JAM2: variants seen among roughly 807,000 people sequenced by gnomAD.
The protein encoded by JAM2 is junctional adhesion molecule 2, also known as junctional adhesion molecule B.
JAM2 carries 17 observed loss-of-function variants against 42.0 expected under a neutral mutation model. The observed-to-expected ratio is 0.40, with a 90% CI of 0.28 to 0.61. The LOEUF (loss-of-function observed/expected upper bound fraction) is 0.61, where lower values mean the gene tolerates loss of function less well. Ranked by LOEUF, JAM2 falls within the 20% of genes least tolerant of loss-of-function variation. JAM2 has a pLI of 0.37. For missense variants in JAM2, 319 were observed against 358.3 expected (o/e 0.89, Z 0.89); for synonymous variants, 118 against 128.6 (o/e 0.92, Z 0.56).
intron 1 of JAM2, among the ~76,000 whole-genome samples, chr21:25,659,114 T>C (rs2033013745): frequency 6.6e-6 from 1 of 152,226 alleles, no homozygotes; most frequent in Non-Finnish European, 1.5e-5. Flanking sequence ...CTGAAAATAT[T>C]ATTTAACTAA....
chr21:25,702,063 A>G, intron 5 of JAM2, 107 bp from the exon 6 acceptor site: 1 of 525,682 alleles, frequency 1.9e-6, no homozygotes, highest in Non-Finnish European at 3.2e-6. Context: ...CCAAATTTTT[A>G]AAAAGGAAAG....
intron 5 of JAM2, among the ~76,000 whole-genome samples, chr21:25,700,414 G>T (rs1170073164): frequency 6.6e-6 from 1 of 152,168 alleles, no homozygotes; most frequent in Non-Finnish European, 1.5e-5. Flanking sequence ...CGGCTGGAGT[G>T]CATTGACGCA....
At chr21:25,708,995 C>T (rs2034328897) in intron 7 of JAM2, among the ~76,000 whole-genome samples, 1 of 152,076 alleles carries the variant, frequency 6.6e-6, no homozygotes, top group South Asian at 2.1e-4. Flanking sequence ...GGCCTATGAA[C>T]AAAAATGGCT....
In JAM2 at chr21:25,639,519, C is replaced by G; in HGVS notation, c.-303C>G. 3.2e-6 allele frequency: 1 copy of G among 308,984 alleles called. No homozygotes were observed. The highest frequency in any genetic ancestry group is 5.9e-6 in the Non-Finnish European group (1 of 169,378). The allele number at this position is 308,984 out of a possible 1,614,324, so 19.1% of individuals were successfully genotyped here. A position where few individuals can be genotyped will look rare whatever the true frequency, so the allele number is the denominator to read the frequency against. ...CCGGGCGCTGCTCTCCTCCTGCTGC[C>G]CCCTCGCTAGGACCCGGCGGACGCC... On this transcript the variant is annotated 5_prime_UTR_variant, in exon 1 of 10. Transcript: ENST00000480456.
intron 1 of JAM2, among the ~76,000 whole-genome samples, chr21:25,683,083 C>A (rs936470860): frequency 3.9e-4 from 59 of 152,242 alleles, no homozygotes; most frequent in African/African-American, 1.2e-3. Context: ...GAATGCCTGT[C>A]CCCTTTGAGG....
At position 25,690,041 on chromosome 21, in the gene JAM2, G is replaced by A. The variant is rs781463216; in HGVS notation, c.241+68G>A. The A allele has an allele frequency of 2.0e-4, 190 of 951,948 alleles. 1 individual carries two copies. The highest frequency in any genetic ancestry group is 1.9e-3 in the Middle Eastern group (9 of 4,748). The allele number at this position is 951,948 out of a possible 1,614,324, so 59.0% of individuals were successfully genotyped here. ...CAAGTACAACCAGGATCCTTTAATT[G>A]GCAAATGAGATCGGACATGACTGAT... On this transcript the variant is annotated intron_variant, in intron 3 of 9. Coordinates refer to ENST00000480456, the MANE Select transcript of JAM2 (RefSeq NM_021219.4).
At position 25,704,433 on chromosome 21, in the gene JAM2, T is replaced by G. The variant is rs150619012; in HGVS notation, c.698-1546T>G. On this transcript the variant is annotated intron_variant, in intron 6 of 9. Coordinates refer to ENST00000480456, the MANE Select transcript of JAM2 (RefSeq NM_021219.4). ...AGAAAATTAATAACACACTTGGCAT[T>G]AGGAAAGAATTTCGAGACCAGAAGT... Among the ~76,000 whole-genome samples, 11 of 152,306 alleles carry G rather than the reference T, an allele frequency of 7.2e-5. No individual in the cohort carries two copies. In the East Asian group the frequency reaches 1.9e-3, roughly 27 times the overall value.
intron 1 of JAM2, among the ~76,000 whole-genome samples, chr21:25,665,521 A>G (rs1432952456): frequency 6.6e-6 from 1 of 152,184 alleles, no homozygotes; most frequent in Admixed American, 6.5e-5. Flanking sequence ...GTATGTACAT[A>G]TATGTATATA....
At chr21:25,657,798 C>T (rs2032979021) in intron 1 of JAM2, among the ~76,000 whole-genome samples, 1 of 151,966 alleles carries the variant, frequency 6.6e-6, no homozygotes, top group Non-Finnish European at 1.5e-5. Flanking sequence ...ATATTTTAGC[C>T]TGTTATAATA....
chr21:25,696,737 T>C (rs2034045207), intron 4 of JAM2, among the ~76,000 whole-genome samples: 2 of 152,160 alleles, frequency 1.3e-5, no homozygotes, highest in South Asian at 4.2e-4. Flanking sequence ...CTTGTGGTTG[T>C]AGGACCGAGA....
chr21:25,674,025 T>C (rs759756780), intron 1 of JAM2, among the ~76,000 whole-genome samples: 12 of 152,228 alleles, frequency 7.9e-5, no homozygotes, highest in South Asian at 2.1e-4. Flanking sequence ...ATGTGCCTTT[T>C]GCCTTCCACC....
chr21:25,665,085 A>G (rs2033184841), intron 1 of JAM2, among the ~76,000 whole-genome samples: 1 of 152,210 alleles, frequency 6.6e-6, no homozygotes, highest in Non-Finnish European at 1.5e-5. Context: ...TTTAACAGGA[A>G]AACTTCCTAG....
At chr21:25,646,586 GAGA>G (rs1255214279) in intron 1 of JAM2, among the ~76,000 whole-genome samples, 9 of 152,024 alleles carry the variant, frequency 5.9e-5, no homozygotes, top group African/African-American at 1.9e-4. Flanking sequence ...GAGAGAGAGA[GAGA>G]AGGAGAGAGA....
At chr21:25,661,610 A>C (rs947614784) in intron 1 of JAM2, among the ~76,000 whole-genome samples, 1 of 151,844 alleles carries the variant, frequency 6.6e-6, no homozygotes, top group African/African-American at 2.4e-5. Context: ...AATTTTACAT[A>C]TATATAAATT....
In JAM2 at chr21:25,659,844, G is replaced by T. The variant is rs539884959; in HGVS notation, c.67+19956G>T. Among the ~76,000 whole-genome samples the T allele has an allele frequency of 2.0e-5, 3 of 152,226 alleles. No homozygotes were observed. The South Asian group carries it at 6.2e-4, about 32-fold the overall frequency. On this transcript the variant is annotated intron_variant, in intron 1 of 9. Coordinates refer to ENST00000480456, the MANE Select transcript of JAM2 (RefSeq NM_021219.4). ...CCAGTTAAATGCATCAAAATTAGTT[G>T]AATTATCCTTAGCTGAAAATTGATT...
intron 1 of JAM2, among the ~76,000 whole-genome samples, chr21:25,670,637 TA>T (rs1233316238): frequency 1.3e-5 from 2 of 152,208 alleles, no homozygotes; most frequent in East Asian, 3.8e-4. Flanking sequence ...TCACTGATCC[TA>T]AAAAAGTGCG....
chr21:25,683,704 T>C (rs2033687934), intron 1 of JAM2, among the ~76,000 whole-genome samples, 179 bp from the exon 2 acceptor site: 1 of 152,166 alleles, frequency 6.6e-6, no homozygotes, highest in African/African-American at 2.4e-5. Flanking sequence ...ATCTAGAAAA[T>C]AAACATGTAT....
rs184812552 is a variant in JAM2, at chr21:25,715,796, T to G, written c.*1124T>G. The stretch of plus-strand genomic sequence containing the variant: ...CCAGCTACTATTACAATGTGAAAAT[T>G]CCAATGATCCGTTTACCAGAGCAAT... On this transcript the variant is annotated 3_prime_UTR_variant, in exon 10 of 10. Coordinates refer to ENST00000480456, the MANE Select transcript of JAM2 (RefSeq NM_021219.4). 1.2e-4 allele frequency: 18 copies of G among 152,294 alleles called. No homozygotes were observed. The highest frequency in any genetic ancestry group is 4.3e-4 in the African/African-American group (18 of 41,566). The allele number at this position is 152,294 out of a possible 1,614,324, so 9.4% of individuals were successfully genotyped here.
chr21:25,672,558 T>C (rs527975981), intron 1 of JAM2, among the ~76,000 whole-genome samples: 5 of 152,376 alleles, frequency 3.3e-5, no homozygotes, highest in South Asian at 2.1e-4. Context: ...GCAGTGGTTC[T>C]GTACTTTTAA....
Sources: allele counts gnomAD v4.1 joint callset (sites outside exome capture counted in the v4.1 genomes callset), GRCh38; gene constraint gnomAD v4.1.1; transcripts MANE v1.5; gene names NCBI Gene and HGNC (gene_info 2026-07-23, HGNC 2026-07-21).